Variants in RUNDC1 observed in about 807,000 individuals in gnomAD.
RUNDC1 encodes the protein RUN domain containing 1.
Under a neutral mutation model 49.3 loss-of-function variants are expected in RUNDC1, and 31 were observed. The ratio of observed to expected loss-of-function variants is 0.63; its 90% CI spans 0.47 to 0.85. The LOEUF is 0.85. Ranked by LOEUF, RUNDC1 falls within the 40% of genes least tolerant of loss-of-function variation. RUNDC1 has a pLI of 0.00. For synonymous variants in RUNDC1, 347 were observed against 348.6 expected (o/e 1.00, Z 0.05); for missense variants, 715 against 806.7 (o/e 0.89, Z 1.38).
In RUNDC1 at chr17:42,991,246, T is replaced by G. The variant is rs200110770; in HGVS notation, c.1372T>G (p.Cys458Gly). 1 of 1,614,194 alleles carries G rather than the reference T, an allele frequency of 6.2e-7. No homozygotes were observed. ...GMSLVMAPIA[C>G]LLPAFSSAPE... Reference sequence around the variant, plus strand: ...GAGCCTTGTTATGGCTCCTATTGCTTGTTTGCTGCCAGCCTTCTCCTCGGC... The same window carrying G: ...GAGCCTTGTTATGGCTCCTATTGCTGGTTTGCTGCCAGCCTTCTCCTCGGC... The change falls in exon 5 of 5, where the codon TGT becomes GGT. Residue 458 changes from cysteine (C) to glycine (G), a missense_variant. Cys to Gly is a radical substitution (Grantham distance 159). Around this residue, in one of 5 missense-constraint regions of RUNDC1, gnomAD observed 425 missense variants for 499.7 expected, o/e 0.85. Coordinates refer to ENST00000361677, the MANE Select transcript of RUNDC1 (RefSeq NM_173079.5).
chr17:42,990,800 C>T (rs769764538), intron 4 of RUNDC1, 51 bp from the exon 5 acceptor site: 2 of 1,541,306 alleles, frequency 1.3e-6, no homozygotes, highest in Admixed American at 1.8e-5. Flanking sequence ...TTGAGTGTAG[C>T]TCTGTGCCAT....
In RUNDC1 at chr17:42,991,447, A is replaced by G; in HGVS notation, c.1573A>G (p.Thr525Ala). Residue 525 changes from threonine to alanine, a missense_variant, in exon 5 of 5, where the codon ACA (threonine) becomes GCA (alanine). Transcript: ENST00000361677. ...SLLTAIHMVL[T>A]EHDPFKRSAD... Reference sequence around the variant, plus strand: ...ACTGACAGCCATCCACATGGTGCTGACAGAGCATGACCCTTTTAAGCGCAG... The same window carrying G: ...ACTGACAGCCATCCACATGGTGCTGGCAGAGCATGACCCTTTTAAGCGCAG... The G allele has an allele frequency of 6.2e-7, 1 of 1,614,196 alleles. No individual in the cohort carries two copies. Among genetic ancestry groups the G allele is most frequent in the South Asian group, 1.1e-5 (1 of 91,088 alleles).
chr17:42,983,774 C>T (rs1281881401), intron 1 of RUNDC1, among the ~76,000 whole-genome samples: 1 of 151,830 alleles, frequency 6.6e-6, no homozygotes, highest in Non-Finnish European at 1.5e-5. Context: ...TGGGTTCAAG[C>T]GATTCTCCTG....
Position 42,992,530 on chromosome 17 carries a change from T to C in RUNDC1, c.*814T>C, listed in dbSNP as rs2667943. 145,272 of 148,050 alleles carry C rather than the reference T, an allele frequency of 0.98. 71,333 individuals are homozygous for C. The highest frequency in any genetic ancestry group is 1 in the Middle Eastern group (290 of 290). The allele number at this position is 148,050 out of a possible 1,614,324, so 9.2% of individuals were successfully genotyped here. ...ACTGCAGTAAGCCAAGATCATGCCA[T>C]TGCACTCCAGCCTGGGCAACACAGG... On this transcript the variant is annotated 3_prime_UTR_variant, in exon 5 of 5. Coordinates refer to ENST00000361677, the MANE Select transcript of RUNDC1 (RefSeq NM_173079.5).
At chr17:42,981,417 T>G (rs1415518015) in intron 1 of RUNDC1, 2 of 273,410 alleles carry the variant, frequency 7.3e-6, no homozygotes, top group Non-Finnish European at 1.4e-5. Context: ...CGTATCTCAG[T>G]CTTGAACACT....
At position 42,990,304 on chromosome 17, in the gene RUNDC1, T is replaced by C; in HGVS notation, c.857-13T>C. The C allele has an allele frequency of 6.2e-7, 1 of 1,613,426 alleles. No individual in the cohort carries two copies. Among genetic ancestry groups the C allele is most frequent in the South Asian group, 1.1e-5 (1 of 90,926 alleles). Reference sequence around the variant, plus strand: ...GGCTAAATAAGTGTCTCTTCTATAATTTCTGATTCCAGATGAAGTGGGAAG... The same window carrying C: ...GGCTAAATAAGTGTCTCTTCTATAACTTCTGATTCCAGATGAAGTGGGAAG... On this transcript the variant is annotated splice_polypyrimidine_tract_variant and intron_variant, in intron 3 of 4. Coordinates refer to ENST00000361677, the MANE Select transcript of RUNDC1 (RefSeq NM_173079.5).
chr17:42,986,646 C>T (rs966158647), intron 1 of RUNDC1, among the ~76,000 whole-genome samples: 11 of 152,018 alleles, frequency 7.2e-5, no homozygotes, highest in Admixed American at 1.3e-4. Flanking sequence ...TACAGGCGCC[C>T]GCCACCACAC....
chr17:42,982,413 G>C (rs1210715020), intron 1 of RUNDC1, among the ~76,000 whole-genome samples: 1 of 152,062 alleles, frequency 6.6e-6, no homozygotes, highest in Non-Finnish European at 1.5e-5. Flanking sequence ...ACTGTTTCCA[G>C]TGCAATCCTG....
Position 42,991,800 on chromosome 17 carries a change from G to C in RUNDC1, c.*84G>C. ...TCTAGCATAGGAGCAAGGAATCAGAGGTGGGGTTAAAGGCATTTTTCCCAG... is the reference window on the plus strand; with the variant it reads ...TCTAGCATAGGAGCAAGGAATCAGACGTGGGGTTAAAGGCATTTTTCCCAG... On this transcript the variant is annotated 3_prime_UTR_variant, in exon 5 of 5. Transcript: ENST00000361677. 2 of 1,453,486 alleles carry C rather than the reference G, an allele frequency of 1.4e-6. No homozygotes were observed. Among genetic ancestry groups the C allele is most frequent in the Non-Finnish European group, 1.8e-6 (2 of 1,083,278 alleles). The allele number at this position is 1,453,486 out of a possible 1,614,324, so 90.0% of individuals were successfully genotyped here.
At position 42,991,198 on chromosome 17, in the gene RUNDC1, C is replaced by T; in HGVS notation, c.1324C>T (p.Leu442=). The T allele has an allele frequency of 6.2e-7, 1 of 1,614,246 alleles. No individual in the cohort carries two copies. The highest frequency in any genetic ancestry group is 8.5e-7 in the Non-Finnish European group (1 of 1,180,036). Residue 442 remains leucine, a synonymous_variant, in exon 5 of 5, where the codon CTG becomes TTG. Coordinates refer to ENST00000361677, the MANE Select transcript of RUNDC1 (RefSeq NM_173079.5). ...TGTGAGGGACCTGCTGGCCCATGGA[C>T]TGTATGCCTCCTCCCCAGGGATGAG... The part of the protein sequence containing the change: ...VAVRDLLAHG[L]YASSPGMSLV...
At chr17:42,985,580 C>G (rs1011433106) in intron 1 of RUNDC1, 1 of 539,056 alleles carries the variant, frequency 1.9e-6, no homozygotes. Context: ...AATACTTAAA[C>G]AAAAAGTTAA....
At chr17:42,986,742 A>G (rs1597756589) in intron 1 of RUNDC1, among the ~76,000 whole-genome samples, 2 of 149,144 alleles carry the variant, frequency 1.3e-5, no homozygotes, top group African/African-American at 5.0e-5. Flanking sequence ...CTCGTGATCC[A>G]CCCGCCTCGG....
intron 1 of RUNDC1, chr17:42,985,602 C>CTTTTTTTTTTT (rs71157692): frequency 8.3e-5 from 14 of 169,622 alleles, no homozygotes; most frequent in Non-Finnish European, 1.0e-4. Flanking sequence ...TTGTTGTTTT[C>CTTTTTTTTTTT]TTTTTTTTTT....
In RUNDC1 at chr17:42,994,977, C is replaced by G. The variant is rs1286833697; in HGVS notation, c.*3261C>G. On this transcript the variant is annotated 3_prime_UTR_variant, in exon 5 of 5. Coordinates refer to ENST00000361677, the MANE Select transcript of RUNDC1 (RefSeq NM_173079.5). Reference sequence around the variant, plus strand: ...AAAGCCGTCTAAGGTGCTCTCCAATCATTCATTCACTATTGATCACTTAGC... The same window carrying G: ...AAAGCCGTCTAAGGTGCTCTCCAATGATTCATTCACTATTGATCACTTAGC... 2.0e-5 allele frequency among the ~76,000 whole-genome samples: 3 copies of G among 152,138 alleles called. No individual in the cohort carries two copies. Among genetic ancestry groups the G allele is most frequent in the African/African-American group, 7.2e-5 (3 of 41,428 alleles).
rs150478213 is a variant in RUNDC1, at chr17:42,986,242, T to G, written c.499-1014T>G. ...AATCCTCCCGCCTCGGCCACTCAAG[T>G]AGCTGGGACTACAGGCATGCACCAC... On this transcript the variant is annotated intron_variant, in intron 1 of 4. Coordinates refer to ENST00000361677, the MANE Select transcript of RUNDC1 (RefSeq NM_173079.5). Among the ~76,000 whole-genome samples, 966 of 152,082 alleles carry G rather than the reference T, an allele frequency of 6.4e-3. 2 individuals carry two copies. Among genetic ancestry groups the G allele is most frequent in the Non-Finnish European group, 0.011 (734 of 68,000 alleles).
intron 1 of RUNDC1, 55 bp from the exon 2 acceptor site, chr17:42,987,201 G>A: frequency 1.4e-6 from 2 of 1,419,420 alleles, no homozygotes; most frequent in Non-Finnish European, 2.0e-6. Flanking sequence ...GATTCTTAAT[G>A]TGCCCTGAGT....
At chr17:42,988,099 A>G (rs2050193292) in intron 2 of RUNDC1, among the ~76,000 whole-genome samples, 1 of 152,036 alleles carries the variant, frequency 6.6e-6, no homozygotes, top group African/African-American at 2.4e-5. Context: ...TAAACATGCC[A>G]GGAATCCAGA....
At chr17:42,985,602 C>CTTTTTTTTTTTTTT (rs71157692) in intron 1 of RUNDC1, 1 of 169,706 alleles carries the variant, frequency 5.9e-6, no homozygotes, top group Non-Finnish European at 1.0e-5. Context: ...TTGTTGTTTT[C>CTTTTTTTTTTTTTT]TTTTTTTTTT....
rs2050235039 is a variant in RUNDC1, at chr17:42,991,181, A to C, written c.1307A>C (p.Asp436Ala). The change falls in exon 5 of 5, where the codon GAC becomes GCC. Residue 436 changes from aspartate (D) to alanine (A), a missense_variant. Physicochemically the swap from Asp to Ala is moderately radical, Grantham distance 126 (BLOSUM62 -2). Coordinates refer to ENST00000361677, the MANE Select transcript of RUNDC1 (RefSeq NM_173079.5). ...VRKELTVAVR[D>A]LLAHGLYASS... ...AAGGAGCTAACGGTGGCTGTGAGGGACCTGCTGGCCCATGGACTGTATGCC... is the reference window on the plus strand; with the variant it reads ...AAGGAGCTAACGGTGGCTGTGAGGGCCCTGCTGGCCCATGGACTGTATGCC... The C allele has an allele frequency of 6.2e-7, 1 of 1,614,138 alleles. No homozygotes were observed. Among genetic ancestry groups the C allele is most frequent in the South Asian group, 1.1e-5 (1 of 91,086 alleles).
Sources: gnomAD v4.1 joint callset for allele counts (sites outside exome capture counted in the v4.1 genomes callset) on GRCh38, gnomAD v4.1.1 for gene constraint, gnomAD v4.1.1 regional missense constraint, MANE v1.5 for transcripts, NCBI Gene and HGNC (gene_info 2026-07-23, HGNC 2026-07-21) for gene names.